Variants in MYO16 observed in about 807,000 individuals in gnomAD.
The protein encoded by MYO16 is unconventional myosin-XVI.
Under a neutral mutation model 205.3 loss-of-function variants are expected in MYO16, and 94 were observed. The ratio of observed to expected loss-of-function variants is 0.46; its 90% CI spans 0.39 to 0.54. The LOEUF is 0.54. Among genes scored for constraint, MYO16 ranks in the 20% least tolerant of loss-of-function variants. The probability of loss-of-function intolerance (pLI) is 0.00; values close to 1 mark genes in which losing one functional copy is unlikely to be tolerated. For missense variants in MYO16, 2,315 were observed against 2,387.5 expected, an observed-to-expected ratio of 0.97 and a Z score of 0.63; for synonymous variants, 988 against 954.0, an observed-to-expected ratio of 1.04 and a Z score of -0.66.
intron 2 of MYO16, among the ~76,000 whole-genome samples, chr13:108,671,450 T>C (rs559305010): frequency 6.6e-6 from 1 of 152,292 alleles, no homozygotes; most frequent in East Asian, 1.9e-4. Flanking sequence ...ACCTATATAA[T>C]TTCATCTCTT....
chr13:108,772,258 C>T (rs930777540), intron 4 of MYO16, among the ~76,000 whole-genome samples: 1 of 152,056 alleles, frequency 6.6e-6, no homozygotes, highest in Non-Finnish European at 1.5e-5. Context: ...ACTTGGGAGG[C>T]TGAGGCAGGA....
At chr13:108,597,770 C>A (rs9583265) in intron 1 of MYO16, among the ~76,000 whole-genome samples, 1 of 151,956 alleles carries the variant, frequency 6.6e-6, no homozygotes, top group Non-Finnish European at 1.5e-5. Context: ...TGGTTTCATG[C>A]GGTCATGGTC....
At chr13:108,774,760 G>A (rs562659465) in intron 4 of MYO16, among the ~76,000 whole-genome samples, 2 of 152,238 alleles carry the variant, frequency 1.3e-5, no homozygotes, top group East Asian at 3.9e-4. Context: ...GATATTACAT[G>A]TACGTGCACA....
intron 2 of MYO16, among the ~76,000 whole-genome samples, chr13:108,711,880 A>G (rs560694155): frequency 4.6e-5 from 7 of 152,310 alleles, no homozygotes; most frequent in Admixed American, 2.6e-4. Context: ...CATTCATGGT[A>G]TTTTATTAAA....
chr13:108,648,183 T>A (rs1392975517), intron 1 of MYO16, among the ~76,000 whole-genome samples: 1 of 152,224 alleles, frequency 6.6e-6, no homozygotes, highest in African/African-American at 2.4e-5. Context: ...TGGGCCATAA[T>A]GGGACAAAGA....
At chr13:108,824,024 CAGG>C (rs1245581559) in intron 9 of MYO16, among the ~76,000 whole-genome samples, 2 of 152,004 alleles carry the variant, frequency 1.3e-5, no homozygotes, top group Non-Finnish European at 2.9e-5. Flanking sequence ...CAAACATTGT[CAGG>C]TAGAGATGGA....
At chr13:109,067,356 G>A (rs1230339309) in intron 27 of MYO16, among the ~76,000 whole-genome samples, 1 of 152,302 alleles carries the variant, frequency 6.6e-6, no homozygotes, top group Admixed American at 6.5e-5. Context: ...AATCCTCATA[G>A]CACTCGTGTA....
At chr13:108,499,508 C>T in the MYO16 span, among the ~76,000 whole-genome samples, 13 of 152,152 alleles carry the variant, frequency 8.5e-5, no homozygotes, top group Admixed American at 4.6e-4. Context: ...GTACACTGGG[C>T]GCACCCCCAA....
intron 23 of MYO16, among the ~76,000 whole-genome samples, chr13:109,023,142 T>A (rs1434351549): frequency 7.6e-6 from 1 of 130,934 alleles, no homozygotes; most frequent in African/African-American, 2.8e-5. Context: ...TTTATGTATA[T>A]GTTTATGTAT....
chr13:109,181,891 G>C (rs1323281837), intron 34 of MYO16, among the ~76,000 whole-genome samples: 2 of 151,150 alleles, frequency 1.3e-5, no homozygotes, highest in Non-Finnish European at 2.9e-5. Context: ...GATGATCTCA[G>C]CTCACTGCAA....
chr13:108,853,619 C>G (rs1482401312), intron 10 of MYO16, among the ~76,000 whole-genome samples: 1 of 131,720 alleles, frequency 7.6e-6, no homozygotes, highest in East Asian at 2.2e-4. Flanking sequence ...TTTTTTGAGA[C>G]AGGGCCTAGC....
intron 33 of MYO16, among the ~76,000 whole-genome samples, chr13:109,171,442 T>A (rs1878918302): frequency 6.6e-6 from 1 of 152,240 alleles, no homozygotes; most frequent in Non-Finnish European, 1.5e-5. Flanking sequence ...AACATTTCTC[T>A]TTTGAATGCC....
At chr13:109,191,822 C>G (rs941040750) in intron 34 of MYO16, among the ~76,000 whole-genome samples, 2 of 152,170 alleles carry the variant, frequency 1.3e-5, no homozygotes, top group African/African-American at 4.8e-5. Context: ...TTACAACCTT[C>G]TTTAAAATCA....
the MYO16 span, among the ~76,000 whole-genome samples, chr13:108,578,673 T>C: frequency 3.3e-5 from 5 of 152,180 alleles, no homozygotes; most frequent in African/African-American, 1.2e-4. Context: ...CCTGGCATCC[T>C]GGTGCCCATA....
chr13:108,910,037 A>G lies in MYO16; in HGVS notation c.1812A>G (p.Arg604=). The G allele has an allele frequency of 6.2e-7, 1 of 1,613,464 alleles. No individual in the cohort carries two copies. The highest frequency in any genetic ancestry group is 1.3e-5 in the African/African-American group (1 of 74,994). The part of the protein sequence containing the change: ...RIYTYLLEKS[R]LVSQPLGQSN... The stretch of plus-strand genomic sequence containing the variant: ...ATACATATTTGCTAGAGAAATCCAG[A>G]CTTGTTTCACAACCTCTTGGCCAGA... Residue 604 remains arginine (R), a synonymous_variant, in exon 16 of 35, where the codon AGA becomes AGG. Transcript: ENST00000457511.
intron 4 of MYO16, among the ~76,000 whole-genome samples, chr13:108,750,637 A>C (rs1885204770): frequency 6.6e-6 from 1 of 151,452 alleles, no homozygotes; most frequent in Non-Finnish European, 1.5e-5. Flanking sequence ...AAAAAGAAAG[A>C]AAGAAAAGAA....
chr13:108,774,553 T>A (rs555888597), intron 4 of MYO16, among the ~76,000 whole-genome samples: 1 of 152,296 alleles, frequency 6.6e-6, no homozygotes, highest in South Asian at 2.1e-4. Context: ...TATGATGTGA[T>A]TGATTTTTTT....
At chr13:108,647,907 G>C (rs1014843217) in intron 1 of MYO16, among the ~76,000 whole-genome samples, 10 of 152,160 alleles carry the variant, frequency 6.6e-5, no homozygotes, top group Admixed American at 3.3e-4. Context: ...TGAATGATTG[G>C]ATACATTAGC....
At chr13:108,898,772 T>C (rs1391793843) in intron 15 of MYO16, among the ~76,000 whole-genome samples, 2 of 152,156 alleles carry the variant, frequency 1.3e-5, no homozygotes, top group African/African-American at 4.8e-5. Context: ...AACTCCTTAT[T>C]TAAAATTCAA....
Sources: allele counts gnomAD v4.1 joint callset (sites outside exome capture counted in the v4.1 genomes callset), GRCh38; gene constraint gnomAD v4.1.1; transcripts MANE v1.5; gene names NCBI Gene and HGNC (gene_info 2026-07-23, HGNC 2026-07-21).